Variants in CNTN3 observed in about 807,000 individuals in gnomAD.
CNTN3 encodes the protein contactin-3.
Under a neutral mutation model 119.1 loss-of-function variants are expected in CNTN3, and 60 were observed. The observed-to-expected ratio is 0.50, with a 90% CI of 0.41 to 0.62. The LOEUF (loss-of-function observed/expected upper bound fraction) is 0.62, where lower values mean the gene tolerates loss of function less well. CNTN3 is among the 20% of genes least tolerant of loss of function. The pLI, the probability that CNTN3 is intolerant of heterozygous loss-of-function variation, is 0.00. For synonymous variants in CNTN3, 450 were observed against 438.7 expected (o/e 1.03, Z -0.32); for missense variants, 1,101 against 1,242.4 (o/e 0.89, Z 1.71).
intron 5 of CNTN3, among the ~76,000 whole-genome samples, chr3:74,375,376 G>GA: frequency 6.6e-6 from 1 of 152,238 alleles, no homozygotes; most frequent in South Asian, 2.1e-4. Flanking sequence ...AAGCTTAAGA[G>GA]AGAGTCTGGG....
At chr3:74,572,222 AT>A (rs754139646) in intron 1 of CNTN3, among the ~76,000 whole-genome samples, 5 of 152,216 alleles carry the variant, frequency 3.3e-5, no homozygotes, top group Non-Finnish European at 7.3e-5. Context: ...GCAATTTGAA[AT>A]GAGCAAAACT....
chr3:74,467,039 G>A (rs967314786), intron 4 of CNTN3, among the ~76,000 whole-genome samples: 3 of 151,526 alleles, frequency 2.0e-5, no homozygotes, highest in African/African-American at 7.3e-5. Context: ...ATATCTTTTG[G>A]GATTTTGAAA....
chr3:74,387,576 G>A (rs1172402275), intron 5 of CNTN3, among the ~76,000 whole-genome samples: 1 of 152,228 alleles, frequency 6.6e-6, no homozygotes, highest in East Asian at 1.9e-4. Flanking sequence ...AATGAGCTGG[G>A]AGTTGGTCTA....
At chr3:74,531,778 G>A (rs1229878056) in intron 1 of CNTN3, among the ~76,000 whole-genome samples, 1 of 151,958 alleles carries the variant, frequency 6.6e-6, no homozygotes, top group Non-Finnish European at 1.5e-5. Flanking sequence ...GTTCAGTTCT[G>A]CAAGAGAGTG....
intron 11 of CNTN3, among the ~76,000 whole-genome samples, chr3:74,351,604 A>C (rs1703817276): frequency 6.6e-6 from 1 of 152,246 alleles, no homozygotes; most frequent in African/African-American, 2.4e-5. Context: ...GACACAGTGA[A>C]TAATGTGCAT....
rs190902710 is a variant in CNTN3, at chr3:74,332,135, G to T, written c.1668+2600C>A. On this transcript the variant is annotated intron_variant, in intron 13 of 22. Transcript: ENST00000263665. ...TTATCAGCCTCCTTGTTCACATTTT[G>T]CTGCTTTTGGAAACGGGATATATCT... Among the ~76,000 whole-genome samples the T allele has an allele frequency of 2.5e-3, 385 of 152,272 alleles. 2 individuals are homozygous for T. The highest frequency in any genetic ancestry group is 3.8e-3 in the Non-Finnish European group (256 of 68,022).
intron 5 of CNTN3, among the ~76,000 whole-genome samples, chr3:74,400,793 G>A (rs1420334132): frequency 2.0e-5 from 3 of 152,074 alleles, no homozygotes; most frequent in Non-Finnish European, 4.4e-5. Flanking sequence ...AGTTACAAAG[G>A]TATTTATATA....
intron 8 of CNTN3, among the ~76,000 whole-genome samples, chr3:74,367,620 T>A (rs1445343444): frequency 6.6e-6 from 1 of 151,486 alleles, no homozygotes; most frequent in Non-Finnish European, 1.5e-5. Flanking sequence ...CATTTTGTGA[T>A]CATAATGGAA....
chr3:74,453,018 A>T (rs1371293271), intron 4 of CNTN3, among the ~76,000 whole-genome samples: 1 of 151,780 alleles, frequency 6.6e-6, no homozygotes, highest in Non-Finnish European at 1.5e-5. Flanking sequence ...TATCAGGATG[A>T]TGCTAGCCTC....
At chr3:74,494,740 A>G (rs1423799900) in intron 3 of CNTN3, among the ~76,000 whole-genome samples, 2 of 152,060 alleles carry the variant, frequency 1.3e-5, no homozygotes, top group African/African-American at 4.8e-5. Flanking sequence ...TGTTGATGCC[A>G]CTAATTAGGC....
chr3:74,589,386 G>T (rs1335464372), intron 1 of CNTN3, among the ~76,000 whole-genome samples: 39 of 141,806 alleles, frequency 2.8e-4, no homozygotes, highest in African/African-American at 8.1e-4. Context: ...TCAGAGAAAT[G>T]CAAATCAAAA....
chr3:74,567,918 T>C (rs961282571), intron 1 of CNTN3, among the ~76,000 whole-genome samples: 1 of 152,114 alleles, frequency 6.6e-6, no homozygotes, highest in Non-Finnish European at 1.5e-5. Context: ...ATGGGGAAAA[T>C]GTGCGTTAGC....
intron 5 of CNTN3, among the ~76,000 whole-genome samples, chr3:74,390,207 A>G (rs910313727): frequency 6.6e-6 from 1 of 152,230 alleles, no homozygotes; most frequent in African/African-American, 2.4e-5. Context: ...TAGGGCTCTA[A>G]TAGACCTAGA....
chr3:74,465,553 T>C (rs1264315282), intron 4 of CNTN3, among the ~76,000 whole-genome samples: 1 of 152,204 alleles, frequency 6.6e-6, no homozygotes, highest in African/African-American at 2.4e-5. Flanking sequence ...GAATGATAAA[T>C]TGAGGATTGT....
chr3:74,575,085 C>T (rs79128215), intron 1 of CNTN3, among the ~76,000 whole-genome samples: 1,578 of 151,896 alleles, frequency 0.01, 33 homozygotes, highest in African/African-American at 0.036. Context: ...CACCCTGCCT[C>T]ATTTATTTCT....
At chr3:74,576,005 T>C (rs983001753) in intron 1 of CNTN3, among the ~76,000 whole-genome samples, 5 of 152,048 alleles carry the variant, frequency 3.3e-5, no homozygotes, top group Non-Finnish European at 7.4e-5. Context: ...ACCCCTCCCC[T>C]AAGTCTCTTC....
intron 13 of CNTN3, among the ~76,000 whole-genome samples, chr3:74,311,872 T>C (rs1265536147): frequency 6.6e-6 from 1 of 152,164 alleles, no homozygotes; most frequent in Non-Finnish European, 1.5e-5. Flanking sequence ...TGGATACAGA[T>C]AATCACAACT....
At chr3:74,557,660 G>T (rs775940558) in intron 1 of CNTN3, among the ~76,000 whole-genome samples, 1 of 148,036 alleles carries the variant, frequency 6.8e-6, no homozygotes, top group Non-Finnish European at 1.5e-5. Flanking sequence ...AGCCAGACAC[G>T]ATTAAGTTTT....
At chr3:74,294,972 C>T in intron 19 of CNTN3, 149 bp downstream of exon 19, 1 of 497,988 alleles carries the variant, frequency 2.0e-6, no homozygotes, top group South Asian at 4.1e-5. Context: ...ATTCAGTATA[C>T]ATGGAACATC....
Sources: allele counts gnomAD v4.1 joint callset (sites outside exome capture counted in the v4.1 genomes callset), GRCh38; gene constraint gnomAD v4.1.1; transcripts MANE v1.5; gene names NCBI Gene and HGNC (gene_info 2026-07-23, HGNC 2026-07-21).